PTPRD: variants seen among roughly 807,000 people sequenced by gnomAD.
PTPRD encodes receptor-type tyrosine-protein phosphatase delta.
Under a neutral mutation model 214.5 loss-of-function variants are expected in PTPRD, and 34 were observed. The observed-to-expected ratio is 0.16, with a 90% confidence interval of 0.12 to 0.21. The LOEUF is 0.21. Among genes scored for constraint, PTPRD ranks in the 10% least tolerant of loss-of-function variants. The pLI is 1.00. For synonymous variants in PTPRD, 1,128 were observed against 845.7 expected (o/e 1.33, Z -5.79); for missense variants, 2,545 against 2,398.7 (o/e 1.06, Z -1.27).
At chr9:9,082,115 G>A (rs566329979) in intron 10 of PTPRD, among the ~76,000 whole-genome samples, 60 of 152,010 alleles carry the variant, frequency 3.9e-4, no homozygotes, top group Middle Eastern at 3.4e-3. Flanking sequence ...ATTTTATGAG[G>A]CCAGCATCAT....
At chr9:9,708,208 C>A (rs561671691) in intron 7 of PTPRD, among the ~76,000 whole-genome samples, 1 of 114,778 alleles carries the variant, frequency 8.7e-6, no homozygotes, top group African/African-American at 3.6e-5. Context: ...TCTGCAGTTG[C>A]TGGGCCCAAT....
chr9:10,259,617 TCA>T (rs768461910), intron 3 of PTPRD, among the ~76,000 whole-genome samples: 38 of 152,272 alleles, frequency 2.5e-4, no homozygotes, highest in African/African-American at 8.2e-4. Flanking sequence ...ATCGATTAAT[TCA>T]CACAGTTTTT....
intron 3 of PTPRD, among the ~76,000 whole-genome samples, chr9:10,154,952 A>G (rs995846588): frequency 3.7e-4 from 56 of 152,004 alleles, no homozygotes; most frequent in African/African-American, 1.1e-3. Context: ...TCCCATATGA[A>G]TTTACTTTTT....
rs201375228 is a variant in PTPRD, at chr9:8,895,280, A to G, written c.-104+123417T>C. Among the ~76,000 whole-genome samples the G allele has an allele frequency of 3.3e-5, 5 of 152,266 alleles. No individual in the cohort carries two copies. In the East Asian group the frequency reaches 9.7e-4, roughly 29 times the overall value. Reference sequence around the variant, plus strand: ...ATTTTATAAGATACACCAGGATAAGATCAAAGCCCTTCCAAGAGGGTCTGG... The same window carrying G: ...ATTTTATAAGATACACCAGGATAAGGTCAAAGCCCTTCCAAGAGGGTCTGG... On this transcript the variant is annotated intron_variant, in intron 11 of 45. Coordinates refer to ENST00000381196, the MANE Select transcript of PTPRD (RefSeq NM_002839.4).
chr9:9,677,785 G>A (rs1222241514), intron 7 of PTPRD, among the ~76,000 whole-genome samples: 1 of 152,056 alleles, frequency 6.6e-6, no homozygotes, highest in African/African-American at 2.4e-5. Flanking sequence ...AATCGTCCCT[G>A]TTTGCAGATG....
intron 2 of PTPRD, among the ~76,000 whole-genome samples, chr9:10,397,506 C>G (rs1186731276): frequency 6.6e-6 from 1 of 151,960 alleles, no homozygotes; most frequent in East Asian, 2.0e-4. Context: ...TCATAATTGA[C>G]ACAGTTTTAA....
rs2097035696 is a variant in PTPRD at position 8,661,047 on chromosome 9, G to A, written c.65-24203C>T. 2.0e-5 allele frequency among the ~76,000 whole-genome samples: 3 copies of A among 152,000 alleles called. No individual in the cohort carries two copies. In the South Asian group the frequency reaches 6.2e-4, roughly 31 times the overall value. On this transcript the variant is annotated intron_variant, in intron 12 of 45. Transcript: ENST00000381196. ...CCCTTTTGCAGATGATGAATCTGAG[G>A]CTTATTGTTCTCAAAATCAGACATT...
rs1250186167 is a variant in PTPRD at position 10,612,684 on chromosome 9, G to A, written c.-708+4C>T. The A allele has an allele frequency of 6.6e-6, 1 of 152,384 alleles. No homozygotes were observed. Among genetic ancestry groups the A allele is most frequent in the African/African-American group, 2.4e-5 (1 of 41,452 alleles). 9.4% of individuals were successfully genotyped at this position (152,384 alleles called of 1,614,324 possible). A position where few individuals can be genotyped will look rare whatever the true frequency, so the allele number is the denominator to read the frequency against. On this transcript the variant is annotated splice_donor_region_variant and intron_variant, in intron 1 of 45. Coordinates refer to ENST00000381196, the MANE Select transcript of PTPRD (RefSeq NM_002839.4). The stretch of plus-strand genomic sequence containing the variant: ...TCCTGCTAATTATTCTGAAGGCAAA[G>A]TACCTGCACTCTCCCCGCCGAGGCT...
intron 5 of PTPRD, among the ~76,000 whole-genome samples, chr9:9,807,926 G>A (rs993951826): frequency 1.3e-5 from 2 of 151,992 alleles, no homozygotes; most frequent in Admixed American, 1.3e-4. Flanking sequence ...TTTTTATATT[G>A]TATTTTCATA....
At chr9:10,192,446 A>G (rs907589456) in intron 3 of PTPRD, among the ~76,000 whole-genome samples, 4 of 30,318 alleles carry the variant, frequency 1.3e-4, no homozygotes, top group East Asian at 1.0e-3. Flanking sequence ...ACGATCCAGG[A>G]AAAAAAAAAA....
intron 8 of PTPRD, among the ~76,000 whole-genome samples, chr9:9,550,883 C>A (rs1374473108): frequency 6.6e-6 from 1 of 151,792 alleles, no homozygotes; most frequent in Non-Finnish European, 1.5e-5. Flanking sequence ...AAATTAAAAT[C>A]ACAAGAACAT....
chr9:10,354,642 A>G (rs1597887405), intron 2 of PTPRD, among the ~76,000 whole-genome samples: 1 of 152,300 alleles, frequency 6.6e-6, no homozygotes, highest in East Asian at 1.9e-4. Flanking sequence ...TGTATTAAGA[A>G]CTTGTTTTAA....
chr9:9,333,504 T>TTATATATATATA (rs3048057), intron 9 of PTPRD, among the ~76,000 whole-genome samples: 40 of 137,230 alleles, frequency 2.9e-4, no homozygotes, highest in African/African-American at 4.7e-4. Flanking sequence ...ATATAGTATA[T>TTATATATATATA]TATATATATA....
intron 7 of PTPRD, among the ~76,000 whole-genome samples, chr9:9,594,017 A>G (rs955593083): frequency 1.3e-5 from 2 of 152,072 alleles, no homozygotes; most frequent in Admixed American, 6.6e-5. Context: ...TGGTACTTGT[A>G]TGTGGACAAT....
intron 10 of PTPRD, among the ~76,000 whole-genome samples, chr9:9,156,302 C>T (rs34261253): frequency 0.32 from 47,835 of 151,638 alleles, 8,228 homozygotes; most frequent in Non-Finnish European, 0.39. Context: ...TAGCTGACTT[C>T]CTAATTTTTC....
chr9:10,459,018 T>G (rs1255218878), intron 2 of PTPRD, among the ~76,000 whole-genome samples: 1 of 152,160 alleles, frequency 6.6e-6, no homozygotes, highest in Non-Finnish European at 1.5e-5. Context: ...TCATCTACAT[T>G]AGGTATTTCT....
At chr9:8,567,775 T>C (rs2089842085) in intron 14 of PTPRD, among the ~76,000 whole-genome samples, 1 of 152,182 alleles carries the variant, frequency 6.6e-6, no homozygotes, top group African/African-American at 2.4e-5. Context: ...TTTTTAGTCT[T>C]ATTTCTCTCT....
chr9:8,866,968 G>A (rs565569582), intron 11 of PTPRD, among the ~76,000 whole-genome samples: 4 of 152,084 alleles, frequency 2.6e-5, no homozygotes, highest in African/African-American at 4.8e-5. Context: ...TGTTATAAGC[G>A]GGGAGTAGAT....
At chr9:9,762,933 GACA>G (rs1197999212) in intron 6 of PTPRD, among the ~76,000 whole-genome samples, 1 of 152,152 alleles carries the variant, frequency 6.6e-6, no homozygotes, top group East Asian at 1.9e-4. Context: ...ATACCAAGGT[GACA>G]ACAAGGTAGA....
Sources: allele counts gnomAD v4.1 joint callset (sites outside exome capture counted in the v4.1 genomes callset), GRCh38; gene constraint gnomAD v4.1.1; transcripts MANE v1.5; gene names NCBI Gene and HGNC (gene_info 2026-07-23, HGNC 2026-07-21).